The following LYST variants were observed in gnomAD, a reference collection of about 807,000 sequenced individuals.
LYST encodes lysosomal-trafficking regulator.
In LYST, 192 loss-of-function variants were observed where a neutral mutation model predicts 413.6. The ratio of observed to expected loss-of-function variants is 0.46; its 90% CI spans 0.41 to 0.52. The LOEUF (loss-of-function observed/expected upper bound fraction) is 0.52. Among genes scored for constraint, LYST ranks in the 20% least tolerant of loss-of-function variants. LYST has a pLI of 0.00. For synonymous variants in LYST, 1,525 were observed against 1,567.3 expected, an observed-to-expected ratio of 0.97 and a Z score of 0.64; for missense variants, 3,815 against 4,499.9, an observed-to-expected ratio of 0.85 and a Z score of 4.35.
At chr1:235,835,562 A>G (rs900857947) in intron 1 of LYST, among the ~76,000 whole-genome samples, 6 of 152,196 alleles carry the variant, frequency 3.9e-5, no homozygotes, top group Non-Finnish European at 7.4e-5. Context: ...ACAAAGCCTC[A>G]CTTGAATATC....
At chr1:235,826,198 G>C (rs1675314954) in intron 3 of LYST, among the ~76,000 whole-genome samples, 2 of 152,178 alleles carry the variant, frequency 1.3e-5, no homozygotes, top group Non-Finnish European at 2.9e-5. Flanking sequence ...ATGAAACATA[G>C]TACAACTACT....
chr1:235,828,142 G>A, intron 3 of LYST: 1 of 964,974 alleles, frequency 1.0e-6, no homozygotes, highest in Non-Finnish European at 1.2e-6. Flanking sequence ...AAAAATTATT[G>A]CTGCTGTTAT....
chr1:235,833,632 C>G lies in LYST; in HGVS notation c.-62G>C, dbSNP rs551264148. 2 of 944,558 alleles carry G rather than the reference C, an allele frequency of 2.1e-6. No homozygotes were observed. The highest frequency in any genetic ancestry group is 1.3e-6 in the Non-Finnish European group (1 of 792,826). The allele number at this position is 944,558 out of a possible 1,614,324, so 58.5% of individuals were successfully genotyped here. A position where few individuals can be genotyped will look rare whatever the true frequency, so the allele number is the denominator to read the frequency against. Reference sequence around the variant, plus strand: ...AGTCTATATCATTTGGACTCATAAACTAGATGAAACAAATATTCTTAGAAC... The same window carrying G: ...AGTCTATATCATTTGGACTCATAAAGTAGATGAAACAAATATTCTTAGAAC... On this transcript the variant is annotated 5_prime_UTR_variant, in exon 2 of 53. Transcript: ENST00000389793.
Position 235,759,505 on chromosome 1 carries a change from C to A in LYST, c.6348G>T (p.Thr2116=), listed in dbSNP as rs1026114085. ...AACTTCCAGTCAGTTTTTGTGATTG[C>A]GTTAGTAGTGAAGAAGTAGGGAATG... ...LPAFPTSSLL[T]QSQKLTGSLG... is the part of the protein sequence containing the mutation. The change falls in exon 23 of 53, where the codon ACG becomes ACT. Residue 2116 remains threonine, a synonymous_variant. Transcript: ENST00000389793. 1 of 1,613,870 alleles carries A rather than the reference C, an allele frequency of 6.2e-7. No homozygotes were observed. Among genetic ancestry groups the A allele is most frequent in the Non-Finnish European group, 8.5e-7 (1 of 1,179,870 alleles).
intron 16 of LYST, among the ~76,000 whole-genome samples, chr1:235,778,098 A>AATATATATATATATATATATATATATAT (rs139907712): frequency 2.1e-4 from 27 of 128,002 alleles, no homozygotes; most frequent in African/African-American, 9.7e-4. Flanking sequence ...AACCCAGTTA[A>AATATATATATATATATATATATATATAT]ATATATATAT....
chr1:235,749,733 T>C (rs959453095), intron 28 of LYST, among the ~76,000 whole-genome samples: 3 of 152,184 alleles, frequency 2.0e-5, no homozygotes, highest in Non-Finnish European at 4.4e-5. Flanking sequence ...GACAGCCATC[T>C]AGTGAAAAGA....
chr1:235,746,586 T>C, intron 28 of LYST, 59 bp from the exon 29 acceptor site: 1 of 1,348,096 alleles, frequency 7.4e-7, no homozygotes, highest in Non-Finnish European at 1.0e-6. Context: ...TCAAGGAAAC[T>C]ATTTTTGCTG....
chr1:235,762,942 T>C (rs1667739006), intron 21 of LYST, 91 bp from the exon 22 acceptor site: 2 of 977,492 alleles, frequency 2.0e-6, no homozygotes, highest in Non-Finnish European at 1.6e-6. Flanking sequence ...AATTCAAATT[T>C]TGACAAAAAG....
At chr1:235,688,024 T>C (rs903541093) in intron 47 of LYST, among the ~76,000 whole-genome samples, 4 of 152,246 alleles carry the variant, frequency 2.6e-5, no homozygotes, top group South Asian at 4.1e-4. Flanking sequence ...TAAGGATCCA[T>C]TGGATCCAAT....
chr1:235,880,695 C>T (rs1050003625), intron 1 of LYST, among the ~76,000 whole-genome samples: 1 of 152,186 alleles, frequency 6.6e-6, no homozygotes, highest in African/African-American at 2.4e-5. Flanking sequence ...AAACTGTCTC[C>T]TCAATTGTGA....
At chr1:235,823,091 TG>T (rs1162448591) in intron 3 of LYST, among the ~76,000 whole-genome samples, 12 of 152,214 alleles carry the variant, frequency 7.9e-5, no homozygotes, top group Non-Finnish European at 1.8e-4. Context: ...TTTTGGAACA[TG>T]GTCTGTTACA....
intron 22 of LYST, among the ~76,000 whole-genome samples, chr1:235,761,544 T>C (rs1667584036): frequency 6.6e-6 from 1 of 152,158 alleles, no homozygotes. Flanking sequence ...TGAACATACC[T>C]AAAAATTACA....
In LYST at chr1:235,731,039, T is replaced by C; in HGVS notation, c.8940A>G (p.Lys2980=). 2 of 1,613,430 alleles carry C rather than the reference T, an allele frequency of 1.2e-6. No individual in the cohort carries two copies. The highest frequency in any genetic ancestry group is 1.7e-6 in the Non-Finnish European group (2 of 1,179,386). The change falls in exon 35 of 53, where the codon AAA becomes AAG. Residue 2980 remains lysine, a synonymous_variant. Transcript: ENST00000389793. ...TCAAGAAGCCACTATTACCTTCTGATTTCTGTCTATCCCTAAGGAGATACT... is the reference window on the plus strand; with the variant it reads ...TCAAGAAGCCACTATTACCTTCTGACTTCTGTCTATCCCTAAGGAGATACT... The part of the protein sequence containing the change: ...PNKYLLRDRQ[K]SEDVVKPPLS...
chr1:235,679,375 C>T (rs1213096906), intron 48 of LYST, among the ~76,000 whole-genome samples: 1 of 152,062 alleles, frequency 6.6e-6, no homozygotes, highest in East Asian at 1.9e-4. Context: ...TGAGCCCCTT[C>T]CTTTTCTGCT....
At chr1:235,827,704 T>A in intron 3 of LYST, 1 of 982,460 alleles carries the variant, frequency 1.0e-6, no homozygotes, top group Non-Finnish European at 1.2e-6. Flanking sequence ...GCTACAGATA[T>A]TCCAAAAAGT....
At position 235,734,650 on chromosome 1, in the gene LYST, T is replaced by G. The variant is rs138506576; in HGVS notation, c.8368A>C (p.Lys2790Gln). The G allele has an allele frequency of 3.9e-4, 621 of 1,606,584 alleles. 6 individuals carry two copies. In the East Asian group the frequency reaches 0.012, roughly 31 times the overall value. ...CLSPSLQHGA[K>Q]LVLYLSELIH... is the part of the protein sequence containing the mutation. ...AACTCTGACAAATACAAAACTAACT[T>G]GGCTCCATGCTTTAAAAAAAGTAAT... The change falls in exon 32 of 53, where the codon AAG becomes CAG. Residue 2790 changes from lysine to glutamine, a missense_variant. Coordinates refer to ENST00000389793, the MANE Select transcript of LYST (RefSeq NM_000081.4).
At chr1:235,752,961 T>A in intron 26 of LYST, 83 bp downstream of exon 26, 1 of 744,778 alleles carries the variant, frequency 1.3e-6, no homozygotes, top group Non-Finnish European at 2.4e-6. Flanking sequence ...GGTAAACTCA[T>A]GTAGTAAAGT....
intron 26 of LYST, 86 bp from the exon 27 acceptor site, chr1:235,752,257 T>C: frequency 9.9e-7 from 1 of 1,011,496 alleles, no homozygotes; most frequent in East Asian, 2.5e-5. Flanking sequence ...ATTTAAATGG[T>C]TTAAATTCCT....
rs908191644 is a variant in LYST, at chr1:235,686,427, C to G, written c.10800+522G>C. The stretch of plus-strand genomic sequence containing the variant: ...CCCAAAAACAGTAAATTAAAAGAAG[C>G]ATTGCATAATCTGTCTTATTTTTTC... On this transcript the variant is annotated intron_variant, in intron 48 of 52. Transcript: ENST00000389793. This position sits in a 1 kb window ranked among gnomAD's most constrained non-coding sequence, Gnocchi z 4.0. 2.6e-5 allele frequency among the ~76,000 whole-genome samples: 4 copies of G among 152,084 alleles called. No homozygotes were observed. The highest frequency in any genetic ancestry group is 9.7e-5 in the African/African-American group (4 of 41,420).
Sources: allele counts gnomAD v4.1 joint callset (sites outside exome capture counted in the v4.1 genomes callset), GRCh38; gene constraint gnomAD v4.1.1; non-coding constraint Gnocchi (gnomAD v3.1); transcripts MANE v1.5; gene names NCBI Gene and HGNC (gene_info 2026-07-23, HGNC 2026-07-21).